The following LARS2 variants were observed in gnomAD, a reference collection of about 807,000 sequenced individuals.
LARS2 encodes the protein leucine--tRNA ligase, mitochondrial.
Under a neutral mutation model 116.6 loss-of-function variants are expected in LARS2, and 81 were observed. That is an observed-to-expected ratio of 0.69 (90% CI 0.58 to 0.84). The LOEUF is 0.84. Ranked by LOEUF, LARS2 falls within the 40% of genes least tolerant of loss-of-function variation. The pLI, the probability that LARS2 is intolerant of heterozygous loss-of-function variation, is 0.00. For missense variants in LARS2, 968 were observed against 1,114.5 expected, an observed-to-expected ratio of 0.87 and a Z score of 1.87; for synonymous variants, 396 against 407.2, an observed-to-expected ratio of 0.97 and a Z score of 0.33.
intron 6 of LARS2, among the ~76,000 whole-genome samples, chr3:45,436,457 T>G (rs535593462): frequency 6.6e-6 from 1 of 152,286 alleles, no homozygotes; most frequent in South Asian, 2.1e-4. Context: ...TAATCTCATC[T>G]GTAGTTTAAT....
rs780621179 is a variant in LARS2, at chr3:45,541,860, C to G, written c.2436C>G (p.Ala812=). 25 of 1,614,236 alleles carry G rather than the reference C, an allele frequency of 1.5e-5. No homozygotes were observed. The highest frequency in any genetic ancestry group is 2.1e-5 in the Non-Finnish European group (25 of 1,180,040). ...CGCTGGTGCCGAGGAAGCTCTGTGC[C>G]CACTACACTTGGGATGCCAGTGTGC... The part of the protein sequence containing the change: ...GLALVPRKLC[A]HYTWDASVLL... Residue 812 remains alanine, a synonymous_variant, in exon 21 of 22, where the codon GCC becomes GCG. Transcript: ENST00000645846.
chr3:45,496,290 CAAGA>C lies in LARS2; in HGVS notation c.1540_1543del (p.Lys514GlufsTer119). ...TCTTTCTTAGGTGCAAGGGAGCAGCCAAGAGAGAGACAGACACGATGGATACCTT... is the reference window on the plus strand; with the variant it reads ...TCTTTCTTAGGTGCAAGGGAGCAGCCGAGAGACAGACACGATGGATACCTT... On this transcript the variant is annotated frameshift_variant, in exon 14 of 22. Coordinates refer to ENST00000645846, the MANE Select transcript of LARS2 (RefSeq NM_015340.4). LOFTEE classifies it high-confidence loss of function. 1.9e-6 allele frequency: 3 copies of C among 1,613,534 alleles called. No homozygotes were observed. The highest frequency in any genetic ancestry group is 2.5e-6 in the Non-Finnish European group (3 of 1,179,492).
At chr3:45,522,199 A>T (rs1700465919) in intron 19 of LARS2, among the ~76,000 whole-genome samples, 2 of 152,192 alleles carry the variant, frequency 1.3e-5, no homozygotes, top group Admixed American at 1.3e-4. Flanking sequence ...GGTTGGTGTA[A>T]CCTTGCCAGG....
intron 7 of LARS2, among the ~76,000 whole-genome samples, chr3:45,458,064 G>C (rs1699242776): frequency 1.3e-5 from 2 of 152,116 alleles, no homozygotes; most frequent in Non-Finnish European, 2.9e-5. Flanking sequence ...CTGTAAAAAT[G>C]TATCGAGTTG....
At chr3:45,431,056 A>G (rs1488119966) in intron 6 of LARS2, among the ~76,000 whole-genome samples, 1 of 152,284 alleles carries the variant, frequency 6.6e-6, no homozygotes, top group Non-Finnish European at 1.5e-5. Flanking sequence ...GTACCCTTAT[A>G]TGAAGAGACC....
chr3:45,447,980 G>A (rs1308269302), intron 7 of LARS2, among the ~76,000 whole-genome samples: 1 of 152,168 alleles, frequency 6.6e-6, no homozygotes, highest in Non-Finnish European at 1.5e-5. Context: ...TGGGACAGTG[G>A]CTCACACCTG....
chr3:45,396,866 GA>G (rs1189455326), intron 3 of LARS2, among the ~76,000 whole-genome samples: 1 of 152,202 alleles, frequency 6.6e-6, no homozygotes, highest in Non-Finnish European at 1.5e-5. Flanking sequence ...TTTCCACACA[GA>G]AACCTTCTTT....
intron 6 of LARS2, among the ~76,000 whole-genome samples, chr3:45,427,818 T>A (rs1698621486): frequency 8.1e-6 from 1 of 124,084 alleles, no homozygotes; most frequent in African/African-American, 3.0e-5. Context: ...TTGTTTTCCT[T>A]TTTTTTCTTT....
At chr3:45,393,923 A>T (rs1347647821) in intron 2 of LARS2, among the ~76,000 whole-genome samples, 1 of 152,266 alleles carries the variant, frequency 6.6e-6, no homozygotes, top group Non-Finnish European at 1.5e-5. Context: ...GGTTCAGCCT[A>T]CAGGGTATAT....
intron 8 of LARS2, among the ~76,000 whole-genome samples, chr3:45,459,638 G>A (rs1008478836): frequency 3.3e-5 from 5 of 152,156 alleles, no homozygotes; most frequent in Non-Finnish European, 1.5e-5. Context: ...ACAAAAAATC[G>A]GTTCTGTAGG....
intron 6 of LARS2, among the ~76,000 whole-genome samples, chr3:45,444,360 G>T (rs62244123): frequency 1 from 149,418 of 149,420 alleles, 74,708 homozygotes; most frequent in Non-Finnish European, 1. Flanking sequence ...TCAACCTAGG[G>T]GAAAAAAAAA....
chr3:45,427,249 G>A (rs1006362592), intron 6 of LARS2, among the ~76,000 whole-genome samples: 6 of 152,156 alleles, frequency 3.9e-5, no homozygotes, highest in African/African-American at 1.4e-4. Context: ...TTGAAGATGA[G>A]ATTGTTATTC....
At chr3:45,523,944 C>G in intron 19 of LARS2, 53 bp from the exon 20 acceptor site, 1 of 1,298,708 alleles carries the variant, frequency 7.7e-7, no homozygotes, top group South Asian at 1.2e-5. Flanking sequence ...GTCTTTCTTA[C>G]CCGTGCTTAT....
At chr3:45,427,749 A>C (rs1482712369) in intron 6 of LARS2, among the ~76,000 whole-genome samples, 1 of 152,026 alleles carries the variant, frequency 6.6e-6, no homozygotes, top group Non-Finnish European at 1.5e-5. Flanking sequence ...CTCCAGTCAC[A>C]ACTCTGTCTC....
At chr3:45,474,022 C>G (rs771190337) in intron 8 of LARS2, among the ~76,000 whole-genome samples, 12 of 152,154 alleles carry the variant, frequency 7.9e-5, no homozygotes, top group Non-Finnish European at 1.8e-4. Context: ...TCCCTTGGGA[C>G]AGCGAAATCG....
chr3:45,396,813 A>C lies in LARS2; in HGVS notation c.234+2126A>C, dbSNP rs564686552. 3.8e-4 allele frequency among the ~76,000 whole-genome samples: 58 copies of C among 152,368 alleles called. 1 individual carries two copies. The East Asian group carries it at 0.01, about 26-fold the overall frequency. On this transcript the variant is annotated intron_variant, in intron 3 of 21. Transcript: ENST00000645846. Reference sequence around the variant, plus strand: ...TAATTTGCCAAGACATGGCAGAGCCAGGATTCAAAATCAAATGTGTGTTTG... The same window carrying C: ...TAATTTGCCAAGACATGGCAGAGCCCGGATTCAAAATCAAATGTGTGTTTG...
At chr3:45,470,979 G>A (rs1201865655) in intron 8 of LARS2, among the ~76,000 whole-genome samples, 1 of 134,680 alleles carries the variant, frequency 7.4e-6, no homozygotes, top group Non-Finnish European at 1.5e-5. Context: ...TACCAGTCCT[G>A]TCTGCCAGAT....
Position 45,541,839 on chromosome 3 carries a change from GGTGCCGAGGAAGCTCT to G in LARS2, c.2421_2436del (p.Arg808ThrfsTer32). ...GCCTCGGCATTGCAGGCCTGGCGCTGGTGCCGAGGAAGCTCTGTGCCCACTACACTTGGGATGCCAG... is the reference window on the plus strand; with the variant it reads ...GCCTCGGCATTGCAGGCCTGGCGCTGGTGCCCACTACACTTGGGATGCCAG... On this transcript the variant is annotated frameshift_variant, in exon 21 of 22. Coordinates refer to ENST00000645846, the MANE Select transcript of LARS2 (RefSeq NM_015340.4). LOFTEE classifies it high-confidence loss of function. 1 of 1,614,156 alleles carries G rather than the reference GGTGCCGAGGAAGCTCT, an allele frequency of 6.2e-7. No homozygotes were observed. The highest frequency in any genetic ancestry group is 8.5e-7 in the Non-Finnish European group (1 of 1,180,004).
intron 8 of LARS2, among the ~76,000 whole-genome samples, chr3:45,463,801 A>C (rs1559477556): frequency 6.6e-6 from 1 of 152,140 alleles, no homozygotes; most frequent in Non-Finnish European, 1.5e-5. Context: ...ACAGTGGTAG[A>C]CATGAGCTGT....
Sources: allele counts gnomAD v4.1 joint callset (sites outside exome capture counted in the v4.1 genomes callset), GRCh38; gene constraint gnomAD v4.1.1; transcripts MANE v1.5; gene names NCBI Gene and HGNC (gene_info 2026-07-23, HGNC 2026-07-21).